The following TLN2 variants were observed in gnomAD, a reference collection of about 807,000 sequenced individuals.
The protein encoded by TLN2 is talin-2.
In TLN2, 118 loss-of-function variants were observed where a neutral mutation model predicts 294.7. The observed-to-expected ratio is 0.40, with a 90% CI of 0.34 to 0.47. The LOEUF is 0.47. Among genes scored for constraint, TLN2 ranks in the 20% least tolerant of loss-of-function variants. TLN2 has a pLI of 0.84. For missense variants in TLN2, 3,083 were observed against 3,282.2 expected (o/e 0.94, Z 1.48); for synonymous variants, 1,431 against 1,304.5 (o/e 1.10, Z -2.09).
chr15:62,568,932 C>T (rs142175686), intron 1 of TLN2, among the ~76,000 whole-genome samples: 79 of 152,266 alleles, frequency 5.2e-4, no homozygotes, highest in African/African-American at 1.8e-3. Flanking sequence ...TGGCTTGTAA[C>T]GACAGGAATC....
chr15:62,420,105 G>C (rs754436322), intron 1 of TLN2, among the ~76,000 whole-genome samples: 6 of 152,170 alleles, frequency 3.9e-5, no homozygotes, highest in Non-Finnish European at 8.8e-5. Flanking sequence ...ATAAAACTGG[G>C]AAATTAAAAG....
At chr15:62,491,598 A>T (rs977268549) in intron 1 of TLN2, among the ~76,000 whole-genome samples, 5 of 152,190 alleles carry the variant, frequency 3.3e-5, no homozygotes, top group African/African-American at 1.2e-4. Flanking sequence ...TTTGTCCACA[A>T]GGAAACTCCT....
intron 2 of TLN2, among the ~76,000 whole-genome samples, chr15:62,590,208 T>C (rs776964196): frequency 6.6e-5 from 10 of 152,126 alleles, no homozygotes; most frequent in Non-Finnish European, 1.3e-4. Context: ...GTTTGTTTCG[T>C]AGGTAAACGT....
intron 32 of TLN2, among the ~76,000 whole-genome samples, chr15:62,746,452 A>G (rs1287337492): frequency 6.6e-6 from 1 of 152,186 alleles, no homozygotes; most frequent in Non-Finnish European, 1.5e-5. Flanking sequence ...ACCCTAATTA[A>G]ATAGTGGTCA....
chr15:62,394,902 C>T (rs781617695), intron 1 of TLN2, among the ~76,000 whole-genome samples: 3 of 152,154 alleles, frequency 2.0e-5, no homozygotes, highest in African/African-American at 4.8e-5. Flanking sequence ...ATTTGCCACC[C>T]ATTTCACAGT....
At chr15:62,789,928 G>A (rs2064960001) in intron 45 of TLN2, among the ~76,000 whole-genome samples, 1 of 152,202 alleles carries the variant, frequency 6.6e-6, no homozygotes, top group Admixed American at 6.5e-5. Flanking sequence ...TGGCAGAAAG[G>A]AGCTTTTGAG....
rs1195399342 is a variant in TLN2, at chr15:62,634,267, C to A, written c.-36-13008C>A. On this transcript the variant is annotated intron_variant, in intron 3 of 58. Transcript: ENST00000636159. The stretch of plus-strand genomic sequence containing the variant: ...GTAGCACAAATTCCCATTGATGAGG[C>A]CCCTTTCCAATTCAGGGAGTTCTTT... Among the ~76,000 whole-genome samples, 5 of 152,294 alleles carry A rather than the reference C, an allele frequency of 3.3e-5. No individual in the cohort carries two copies. In the East Asian group the frequency reaches 9.6e-4, roughly 29 times the overall value.
intron 1 of TLN2, among the ~76,000 whole-genome samples, chr15:62,553,881 G>A (rs188250126): frequency 4.8e-4 from 73 of 150,842 alleles, no homozygotes; most frequent in African/African-American, 1.6e-3. Flanking sequence ...TTTAATAGCT[G>A]TGGTTTACTT....
At chr15:62,818,731 G>A (rs2067310878) in intron 52 of TLN2, among the ~76,000 whole-genome samples, 1 of 152,062 alleles carries the variant, frequency 6.6e-6, no homozygotes, top group Non-Finnish European at 1.5e-5. Flanking sequence ...TAGGGATTTT[G>A]TCTCAAGGAC....
intron 1 of TLN2, among the ~76,000 whole-genome samples, chr15:62,581,564 A>G (rs1053635794): frequency 6.6e-6 from 1 of 152,212 alleles, no homozygotes; most frequent in Admixed American, 6.5e-5. Flanking sequence ...CTTAGGGTTC[A>G]GGGATGAGGG....
intron 57 of TLN2, among the ~76,000 whole-genome samples, chr15:62,837,384 G>A (rs148898609): frequency 8.1e-4 from 123 of 152,278 alleles, no homozygotes; most frequent in African/African-American, 2.8e-3. Flanking sequence ...CATTTATTAG[G>A]TGCATAATCT....
chr15:62,755,787 C>T, intron 37 of TLN2, 94 bp downstream of exon 37: 1 of 1,462,020 alleles, frequency 6.8e-7, no homozygotes, highest in African/African-American at 1.4e-5. Context: ...CTCTCCTTGT[C>T]TAGTGAAGCT....
intron 25 of TLN2, among the ~76,000 whole-genome samples, chr15:62,720,580 A>T (rs932451468): frequency 3.3e-5 from 5 of 152,156 alleles, no homozygotes; most frequent in Non-Finnish European, 7.4e-5. Context: ...TAACTCTAAC[A>T]TGCAGAAATA....
At chr15:62,621,028 A>T (rs1186479602) in intron 3 of TLN2, among the ~76,000 whole-genome samples, 2 of 150,734 alleles carry the variant, frequency 1.3e-5, no homozygotes, top group East Asian at 4.0e-4. Context: ...TTTAGTAGAG[A>T]CGGGGTTTCA....
intron 28 of TLN2, among the ~76,000 whole-genome samples, chr15:62,734,598 T>C (rs1353735777): frequency 6.6e-6 from 1 of 152,240 alleles, no homozygotes; most frequent in Non-Finnish European, 1.5e-5. Flanking sequence ...CTTAGCTTTG[T>C]TCACCTTTGT....
chr15:62,769,566 T>G (rs977856107), intron 41 of TLN2, among the ~76,000 whole-genome samples: 2 of 152,230 alleles, frequency 1.3e-5, no homozygotes, highest in African/African-American at 4.8e-5. Context: ...AAAATAAGTT[T>G]TATTGTTGGC....
At chr15:62,800,570 T>C in intron 49 of TLN2, 77 bp downstream of exon 49, 1 of 1,609,458 alleles carries the variant, frequency 6.2e-7, no homozygotes, top group Non-Finnish European at 8.5e-7. Flanking sequence ...TCCTTGCTCA[T>C]AGCATGCGAT....
intron 33 of TLN2, among the ~76,000 whole-genome samples, chr15:62,748,868 T>C (rs1215326742): frequency 6.6e-6 from 1 of 152,228 alleles, no homozygotes; most frequent in Non-Finnish European, 1.5e-5. Flanking sequence ...GATTTTCCCA[T>C]ACACTGCATC....
chr15:62,797,155 C>T (rs1235699321), intron 47 of TLN2, 64 bp from the exon 48 acceptor site: 15 of 1,576,398 alleles, frequency 9.5e-6, no homozygotes, highest in Middle Eastern at 3.5e-4. Flanking sequence ...TTCTTTTCTT[C>T]TTGAAGTAAT....
Sources: gnomAD v4.1 joint callset for allele counts (sites outside exome capture counted in the v4.1 genomes callset) on GRCh38, gnomAD v4.1.1 for gene constraint, MANE v1.5 for transcripts, NCBI Gene and HGNC (gene_info 2026-07-23, HGNC 2026-07-21) for gene names.